Variants in RARA observed in about 807,000 individuals in gnomAD.
The protein encoded by RARA is PML-DDX5-RARA fusion.
In RARA, 5 loss-of-function variants were observed where a neutral mutation model predicts 42.8. The ratio of observed to expected loss-of-function variants is 0.12; its 90% CI spans 0.06 to 0.25. The LOEUF (loss-of-function observed/expected upper bound fraction) is 0.25. RARA is among the 10% of genes least tolerant of loss of function. The probability of loss-of-function intolerance (pLI) is 1.00; values close to 1 mark genes in which losing one functional copy is unlikely to be tolerated. For synonymous variants in RARA, 256 were observed against 259.5 expected (o/e 0.99, Z 0.13); for missense variants, 402 against 628.7 (o/e 0.64, Z 3.86).
rs1042596261 is a variant in RARA, at chr17:40,320,754, G to A, written c.-362-10103G>A. ...GGAGGGGTGGTTTCTTTTGACCTCTGTGGGGTCTATTAATATTTGGGAGCA... is the reference window on the plus strand; with the variant it reads ...GGAGGGGTGGTTTCTTTTGACCTCTATGGGGTCTATTAATATTTGGGAGCA... On this transcript the variant is annotated intron_variant, in intron 1 of 8. Coordinates refer to ENST00000254066, the MANE Select transcript of RARA (RefSeq NM_000964.4). This position sits in a 1 kb window ranked among gnomAD's most constrained non-coding sequence, Gnocchi z 4.1. Among the ~76,000 whole-genome samples, 5 of 152,168 alleles carry A rather than the reference G, an allele frequency of 3.3e-5. No individual in the cohort carries two copies. Among genetic ancestry groups the A allele is most frequent in the African/African-American group, 1.2e-4 (5 of 41,434 alleles).
At position 40,355,231 on chromosome 17, in the gene RARA, C is replaced by G; in HGVS notation, c.1013-32C>G. 1 of 1,543,642 alleles carries G rather than the reference C, an allele frequency of 6.5e-7. No homozygotes were observed. The highest frequency in any genetic ancestry group is 8.8e-7 in the Non-Finnish European group (1 of 1,141,778). On this transcript the variant is annotated intron_variant, in intron 7 of 8. Coordinates refer to ENST00000254066, the MANE Select transcript of RARA (RefSeq NM_000964.4). This position sits in a 1 kb window ranked among gnomAD's most constrained non-coding sequence, Gnocchi z 4.1. ...GAGGCTGGGGGTGCAGCTGTGTTCC[C>G]AGCTGCTCAGGGGGTGGTTCTGCTT...
chr17:40,348,102 A>G, intron 2 of RARA: 1 of 458,756 alleles, frequency 2.2e-6, no homozygotes, highest in Non-Finnish European at 3.8e-6. Flanking sequence ...TGGGGGTCCT[A>G]GGAGTCCAGA....
chr17:40,323,902 G>A (rs1275336975), intron 1 of RARA, among the ~76,000 whole-genome samples: 1 of 151,976 alleles, frequency 6.6e-6, no homozygotes, highest in Non-Finnish European at 1.5e-5. Context: ...GAGGGGGCTG[G>A]TACCATCTAG....
At chr17:40,319,937 G>A (rs2033329125) in intron 1 of RARA, among the ~76,000 whole-genome samples, 1 of 152,198 alleles carries the variant, frequency 6.6e-6, no homozygotes, top group African/African-American at 2.4e-5. Flanking sequence ...TGGAGTCAGG[G>A]AGTTTGTGGC....
Position 40,356,925 on chromosome 17 carries a change from TCTC to T in RARA, c.*706_*708del, listed in dbSNP as rs879892460. 4.3e-4 allele frequency: 172 copies of T among 400,714 alleles called. No individual in the cohort carries two copies. Among genetic ancestry groups the T allele is most frequent in the Admixed American group, 3.4e-3 (83 of 24,248 alleles). 24.8% of individuals were successfully genotyped at this position (400,714 alleles called of 1,614,324 possible). A position where few individuals can be genotyped will look rare whatever the true frequency, so the allele number is the denominator to read the frequency against. On this transcript the variant is annotated 3_prime_UTR_variant, in exon 9 of 9. Transcript: ENST00000254066. The stretch of plus-strand genomic sequence containing the variant: ...CTTTCATGTCCCTGTGCCCCCCAGT[TCTC>T]CTCCTCAGCCTTTTCCTCCTCAGTT...
intron 1 of RARA, among the ~76,000 whole-genome samples, chr17:40,315,132 GTATATATATATATA>G (rs71356657): frequency 6.9e-4 from 44 of 64,192 alleles, no homozygotes; most frequent in Non-Finnish European, 9.3e-4. Context: ...GCTTATATGT[GTATATATATATATA>G]TATATATATA....
intron 2 of RARA, chr17:40,340,794 A>G (rs976843063): frequency 1.3e-5 from 5 of 399,358 alleles, no homozygotes; most frequent in Non-Finnish European, 1.8e-5. Context: ...CAGGGTGTCC[A>G]CATAGAAGGT....
rs2034453718 is a variant in RARA, at chr17:40,351,576, A to G, written c.470-334A>G. ...GGACCTTCCTGGGGAAAGAGGAGGC[A>G]GAGCACCTAGGAGGGCACCGTCGCC... On this transcript the variant is annotated intron_variant, in intron 4 of 8. Coordinates refer to ENST00000254066, the MANE Select transcript of RARA (RefSeq NM_000964.4). The surrounding 1 kb of genome is among the most constrained non-coding windows in gnomAD (Gnocchi z 4.1). 4.2e-6 allele frequency: 2 copies of G among 478,066 alleles called. No homozygotes were observed. The highest frequency in any genetic ancestry group is 8.4e-6 in the Non-Finnish European group (2 of 239,164). The allele number at this position is 478,066 out of a possible 1,614,324, so 29.6% of individuals were successfully genotyped here.
intron 2 of RARA, among the ~76,000 whole-genome samples, chr17:40,344,103 C>CG (rs1269436124): frequency 7.3e-5 from 11 of 151,384 alleles, no homozygotes; most frequent in South Asian, 2.1e-4. Flanking sequence ...GAGTGGGTCT[C>CG]GGGGGGGCCC....
At chr17:40,346,942 G>C (rs902222127) in intron 2 of RARA, among the ~76,000 whole-genome samples, 2 of 152,254 alleles carry the variant, frequency 1.3e-5, no homozygotes, top group African/African-American at 4.8e-5. Context: ...GCCCTGCCAA[G>C]GTTGTTGGCC....
chr17:40,353,351 C>T (rs887612982), intron 6 of RARA, among the ~76,000 whole-genome samples: 1 of 152,170 alleles, frequency 6.6e-6, no homozygotes, highest in East Asian at 1.9e-4. Context: ...AGGGAGCACT[C>T]TCCTTCCTGC....
chr17:40,317,537 C>T (rs1044793921), intron 1 of RARA, among the ~76,000 whole-genome samples: 1 of 151,478 alleles, frequency 6.6e-6, no homozygotes. Flanking sequence ...TGCTCCTGGG[C>T]GCCCCTACTG....
Position 40,352,529 on chromosome 17 carries a change from C to T in RARA, c.807+22C>T. ...CCTGGTGAGGGTCTGCACCCTGGCC[C>T]CCAGGCACTGCCCCTGTGTCCTGGG... On this transcript the variant is annotated intron_variant, in intron 6 of 8. Transcript: ENST00000254066. The surrounding 1 kb of genome is among the most constrained non-coding windows in gnomAD (Gnocchi z 4.9). 1.3e-6 allele frequency: 2 copies of T among 1,562,382 alleles called. No homozygotes were observed. The highest frequency in any genetic ancestry group is 1.7e-6 in the Non-Finnish European group (2 of 1,147,852).
Position 40,354,591 on chromosome 17 carries a change from C to T in RARA, c.1012+85C>T, listed in dbSNP as rs2034555502. 1 of 1,466,048 alleles carries T rather than the reference C, an allele frequency of 6.8e-7. No individual in the cohort carries two copies. The highest frequency in any genetic ancestry group is 2.4e-5 in the East Asian group (1 of 42,526). The allele number at this position is 1,466,048 out of a possible 1,614,324, so 90.8% of individuals were successfully genotyped here. ...CTTCCAGGGAGCTCTTTCAGGCCAC[C>T]TCTGTTAGGTATCTCTAGAGGGCAG... On this transcript the variant is annotated intron_variant, in intron 7 of 8. Coordinates refer to ENST00000254066, the MANE Select transcript of RARA (RefSeq NM_000964.4). This position sits in a 1 kb window ranked among gnomAD's most constrained non-coding sequence, Gnocchi z 4.5.
intron 1 of RARA, among the ~76,000 whole-genome samples, chr17:40,321,257 G>T (rs2033368186): frequency 2.0e-5 from 3 of 152,046 alleles, no homozygotes; most frequent in South Asian, 2.1e-4. Flanking sequence ...TCTGTCCCCA[G>T]TCTGGCTCGG....
chr17:40,342,684 C>T, intron 2 of RARA: 1 of 1,604,776 alleles, frequency 6.2e-7, no homozygotes, highest in Non-Finnish European at 8.5e-7. Context: ...CAGCTCGGAC[C>T]TCTTGCCTTC....
At position 40,342,749 on chromosome 17, in the gene RARA, C is replaced by A. The variant is rs757880863; in HGVS notation, c.179-5567C>A. ...TGGGGGGTCCCACCCCTAATCCCTT[C>A]CTAGTGGTGGATTTTTATAACCAGA... On this transcript the variant is annotated intron_variant, in intron 2 of 8. Transcript: ENST00000254066. The A allele has an allele frequency of 4.3e-6, 7 of 1,612,512 alleles. No homozygotes were observed. In the African/African-American group the frequency reaches 8.0e-5, roughly 18 times the overall value.
intron 1 of RARA, among the ~76,000 whole-genome samples, chr17:40,314,159 G>C (rs2033146498): frequency 6.7e-6 from 1 of 150,140 alleles, no homozygotes; most frequent in Non-Finnish European, 1.5e-5. Flanking sequence ...GAGGCAGGTG[G>C]GTGAGGGATA....
intron 1 of RARA, among the ~76,000 whole-genome samples, chr17:40,312,265 G>A (rs1012553264): frequency 1.3e-5 from 2 of 152,338 alleles, no homozygotes; most frequent in African/African-American, 2.4e-5. Context: ...TCCTCCTCCC[G>A]CAGGGTAGGG....
Sources: allele counts gnomAD v4.1 joint callset (sites outside exome capture counted in the v4.1 genomes callset), GRCh38; gene constraint gnomAD v4.1.1; non-coding constraint Gnocchi (gnomAD v3.1); transcripts MANE v1.5; gene names NCBI Gene and HGNC (gene_info 2026-07-23, HGNC 2026-07-21).